Variants in SPAG9 observed in about 807,000 individuals in gnomAD.
SPAG9 encodes the protein C-Jun-amino-terminal kinase-interacting protein 4.
A neutral mutation model predicts 166.5 loss-of-function variants in SPAG9; 35 were observed. The observed-to-expected ratio is 0.21, with a 90% CI of 0.16 to 0.28. SPAG9 has a LOEUF of 0.28. Ranked by LOEUF, SPAG9 falls within the 10% of genes least tolerant of loss-of-function variation. The probability of loss-of-function intolerance (pLI) is 1.00; values close to 1 mark genes in which losing one functional copy is unlikely to be tolerated. For synonymous variants in SPAG9, 534 were observed against 565.5 expected, an observed-to-expected ratio of 0.94 and a Z score of 0.79; for missense variants, 1,235 against 1,603.3, an observed-to-expected ratio of 0.77 and a Z score of 3.92.
intron 5 of SPAG9, among the ~76,000 whole-genome samples, chr17:51,037,693 T>TATATATATATATA (rs1568028403): frequency 1.1e-5 from 1 of 89,892 alleles, no homozygotes; most frequent in African/African-American, 3.8e-5. Context: ...ATAGTGTGTG[T>TATATATATATATA]GTGTGTGTGT....
chr17:50,977,372 T>A, intron 26 of SPAG9, 151 bp from the exon 27 acceptor site: 1 of 617,988 alleles, frequency 1.6e-6, no homozygotes, highest in Non-Finnish European at 2.9e-6. Flanking sequence ...GAAATGTGAC[T>A]AGAGCTAGAT....
chr17:50,999,535 T>A lies in SPAG9; in HGVS notation c.1664+126A>T, dbSNP rs753799919. The A allele has an allele frequency of 1.0e-5, 15 of 1,459,062 alleles. No individual in the cohort carries two copies. In the East Asian group the frequency reaches 2.5e-4, roughly 24 times the overall value. The allele number at this position is 1,459,062 out of a possible 1,614,324, so 90.4% of individuals were successfully genotyped here. On this transcript the variant is annotated intron_variant, in intron 14 of 29. Coordinates refer to ENST00000262013, the MANE Select transcript of SPAG9 (RefSeq NM_001130528.3). ...AAGTTCAGTTTAGCTACTTAACCAT[T>A]ACCCCTAGTTTAAAAAAAAAAAATG...
At chr17:51,083,537 T>C (rs2144655854) in intron 1 of SPAG9, among the ~76,000 whole-genome samples, 1 of 145,738 alleles carries the variant, frequency 6.9e-6, no homozygotes, top group South Asian at 2.2e-4. Flanking sequence ...ACACACAGCC[T>C]CTTTATTTTA....
At chr17:50,991,156 C>G (rs922770003) in intron 19 of SPAG9, among the ~76,000 whole-genome samples, 2 of 151,958 alleles carry the variant, frequency 1.3e-5, no homozygotes, top group Non-Finnish European at 2.9e-5. Flanking sequence ...ATCCACCAAC[C>G]TCAGACAAGT....
In SPAG9 at chr17:51,047,559, A is replaced by C. The variant is rs905648398; in HGVS notation, c.496-90T>G. 5.1e-6 allele frequency: 3 copies of C among 589,004 alleles called. No individual in the cohort carries two copies. The African/African-American group carries it at 5.8e-5, about 11-fold the overall frequency. 36.5% of individuals were successfully genotyped at this position (589,004 alleles called of 1,614,324 possible). On this transcript the variant is annotated intron_variant, in intron 3 of 29. Transcript: ENST00000262013. ...TATAACAAGGAAAACATTTTGGTAC[A>C]ATTTTCTTATCTATCAGACTACTCG... is the stretch of plus-strand genomic sequence containing the variant.
chr17:51,015,216 C>T (rs914194002), intron 8 of SPAG9, among the ~76,000 whole-genome samples: 44 of 152,182 alleles, frequency 2.9e-4, no homozygotes, highest in Non-Finnish European at 5.1e-4. Flanking sequence ...AAACCTAAGC[C>T]ACTGGGGTTT....
intron 25 of SPAG9, among the ~76,000 whole-genome samples, chr17:50,981,058 T>C (rs1308355875): frequency 6.6e-6 from 1 of 152,116 alleles, no homozygotes; most frequent in Admixed American, 6.6e-5. Flanking sequence ...CCCACGCTGC[T>C]GTATATGTGT....
intron 29 of SPAG9, among the ~76,000 whole-genome samples, chr17:50,969,981 A>T (rs1280793249): frequency 6.6e-6 from 1 of 152,212 alleles, no homozygotes; most frequent in Non-Finnish European, 1.5e-5. Context: ...TCTCCAGTTT[A>T]AGAATGACAG....
intron 1 of SPAG9, among the ~76,000 whole-genome samples, chr17:51,089,590 CTTA>C (rs1175165022): frequency 1.0e-4 from 10 of 99,274 alleles, no homozygotes; most frequent in African/African-American, 2.8e-4. Context: ...TGTATATCTA[CTTA>C]TTATATGTAT....
intron 1 of SPAG9, among the ~76,000 whole-genome samples, chr17:51,110,848 G>A (rs370663700): frequency 1.3e-5 from 2 of 151,876 alleles, no homozygotes; most frequent in Non-Finnish European, 2.9e-5. Context: ...TGGCCGGGTG[G>A]GTGGCTCATG....
At chr17:51,021,708 C>A (rs80209535) in intron 6 of SPAG9, among the ~76,000 whole-genome samples, 358 of 152,282 alleles carry the variant, frequency 2.4e-3, no homozygotes, top group African/African-American at 8.3e-3. Context: ...TACTTTAGAA[C>A]ATTTAGAACA....
At chr17:50,997,601 T>C (rs1231956221) in intron 15 of SPAG9, among the ~76,000 whole-genome samples, 3 of 152,152 alleles carry the variant, frequency 2.0e-5, no homozygotes, top group Non-Finnish European at 2.9e-5. Flanking sequence ...ATAAGATGAG[T>C]TGCTATGTAT....
At chr17:51,066,610 A>C in intron 2 of SPAG9, among the ~76,000 whole-genome samples, 1 of 150,602 alleles carries the variant, frequency 6.6e-6, no homozygotes, top group South Asian at 2.1e-4. Context: ...TAATCCCAGC[A>C]CTTTGGGAGG....
chr17:51,112,981 A>AC (rs1333411228), intron 1 of SPAG9, among the ~76,000 whole-genome samples: 2 of 150,788 alleles, frequency 1.3e-5, no homozygotes, highest in African/African-American at 2.4e-5. Context: ...GAAAAAAAAA[A>AC]AAACCCAACC....
intron 3 of SPAG9, among the ~76,000 whole-genome samples, chr17:51,056,008 A>G (rs2047352814): frequency 6.6e-6 from 1 of 152,172 alleles, no homozygotes; most frequent in Non-Finnish European, 1.5e-5. Flanking sequence ...AGTCCTTTAC[A>G]ATGGATAATA....
At chr17:51,035,152 A>AT (rs1164755135) in intron 5 of SPAG9, among the ~76,000 whole-genome samples, 3 of 152,080 alleles carry the variant, frequency 2.0e-5, no homozygotes, top group Admixed American at 6.6e-5. Flanking sequence ...TGTAATAAAA[A>AT]TTTTTTTTAA....
At chr17:51,052,446 G>A (rs1001533404) in intron 3 of SPAG9, among the ~76,000 whole-genome samples, 3 of 152,122 alleles carry the variant, frequency 2.0e-5, no homozygotes, top group African/African-American at 7.2e-5. Context: ...AAAATATAGG[G>A]AGCCTATCAG....
intron 5 of SPAG9, among the ~76,000 whole-genome samples, chr17:51,032,725 C>A (rs983211717): frequency 6.6e-6 from 1 of 151,918 alleles, no homozygotes; most frequent in Non-Finnish European, 1.5e-5. Context: ...CACCTGAGGT[C>A]GGGAGTCCAA....
chr17:51,033,310 G>GAAAAAAAAAA (rs368879602), intron 5 of SPAG9, among the ~76,000 whole-genome samples: 1 of 87,020 alleles, frequency 1.1e-5, no homozygotes, highest in African/African-American at 4.0e-5. Context: ...GTCATTAAAT[G>GAAAAAAAAAA]AAAAAAAAAA....
Sources: allele counts gnomAD v4.1 joint callset (sites outside exome capture counted in the v4.1 genomes callset), GRCh38; gene constraint gnomAD v4.1.1; transcripts MANE v1.5; gene names NCBI Gene and HGNC (gene_info 2026-07-23, HGNC 2026-07-21).